Variants in POLR2F observed in about 807,000 individuals in gnomAD.
POLR2F encodes RNA polymerase II, I and III subunit F.
A neutral mutation model predicts 22.7 loss-of-function variants in POLR2F; 12 were observed. The observed-to-expected ratio is 0.53, with a 90% confidence interval of 0.34 to 0.86. The LOEUF is 0.86. Ranked by LOEUF, POLR2F falls within the 40% of genes least tolerant of loss-of-function variation. The pLI is 0.02. For missense variants in POLR2F, 126 were observed against 171.5 expected (o/e 0.73, Z 1.48); for synonymous variants, 57 against 66.0 (o/e 0.86, Z 0.66).
At position 37,986,960 on chromosome 22, in the gene POLR2F, AGT is replaced by A. The variant is rs1248896136; in HGVS notation, c.120+651_120+652del. 2.2e-6 allele frequency: 1 copy of A among 452,932 alleles called. No homozygotes were observed. The highest frequency in any genetic ancestry group is 2.4e-5 in the Admixed American group (1 of 42,464). 28.1% of individuals were successfully genotyped at this position (452,932 alleles called of 1,614,324 possible). ...GCCCCAGCAGGACAACAGGAGGGCC[AGT>A]GTCACCTTCTCCTCCTTTCCCTGCT... On this transcript the variant is annotated intron_variant, in intron 1 of 2. Transcript: ENST00000333418. The surrounding 1 kb of genome is among the most constrained non-coding windows in gnomAD (Gnocchi z 4.7).
At chr22:37,990,791 C>G (rs939397325) in intron 1 of POLR2F, among the ~76,000 whole-genome samples, 3 of 152,266 alleles carry the variant, frequency 2.0e-5, no homozygotes, top group Non-Finnish European at 4.4e-5. Flanking sequence ...AATGTAAAAT[C>G]AGCAGGCTAG....
At chr22:38,038,379 C>T (rs986651310) in intron 5 of POLR2F, among the ~76,000 whole-genome samples, 26 of 152,094 alleles carry the variant, frequency 1.7e-4, no homozygotes, top group Admixed American at 3.9e-4. Context: ...AGGACCAGGC[C>T]GGGCCCAGGC....
In POLR2F at chr22:37,997,246, C is replaced by A. The variant is rs2084723664; in HGVS notation, c.120+10934C>A. ...CCCCTGACCTTTCTCCCTTCTTTTCCACTTCGGCCTCCACCTTGTTTCTTT... is the reference window on the plus strand; with the variant it reads ...CCCCTGACCTTTCTCCCTTCTTTTCAACTTCGGCCTCCACCTTGTTTCTTT... On this transcript the variant is annotated intron_variant, in intron 1 of 2. Coordinates refer to the POLR2F transcript ENST00000333418. This position sits in a 1 kb window ranked among gnomAD's most constrained non-coding sequence, Gnocchi z 4.4. Among the ~76,000 whole-genome samples, 1 of 152,158 alleles carries A rather than the reference C, an allele frequency of 6.6e-6. No homozygotes were observed. The highest frequency in any genetic ancestry group is 1.5e-5 in the Non-Finnish European group (1 of 68,022).
In POLR2F at chr22:37,974,572, T is replaced by C. The variant is rs1172979558; in HGVS notation, c.293+7402T>C. 6.6e-6 allele frequency among the ~76,000 whole-genome samples: 1 copy of C among 152,008 alleles called. No individual in the cohort carries two copies. Among genetic ancestry groups the C allele is most frequent in the Non-Finnish European group, 1.5e-5 (1 of 67,988 alleles). Reference sequence around the variant, plus strand: ...TTCACCATGTTGGCCAGGGTTGTCTTGAACTCCTGACCTCAGGTGATCCAC... The same window carrying C: ...TTCACCATGTTGGCCAGGGTTGTCTCGAACTCCTGACCTCAGGTGATCCAC... On this transcript the variant is annotated intron_variant, in intron 4 of 4. Coordinates refer to the POLR2F transcript ENST00000405557. This position sits in a 1 kb window ranked among gnomAD's most constrained non-coding sequence, Gnocchi z 5.4.
At chr22:38,028,568 G>A (rs375827908), downstream of POLR2F, among the ~76,000 whole-genome samples, 4 of 152,240 alleles carry the variant, frequency 2.6e-5, no homozygotes, top group African/African-American at 4.8e-5. Context: ...GTGTGCATAC[G>A]TGTGTGCATG....
intron 3 of POLR2F, 25 bp from the exon 4 acceptor site, chr22:37,967,074 C>G (rs1181336173): frequency 1.3e-6 from 2 of 1,589,056 alleles, no homozygotes; most frequent in Non-Finnish European, 1.7e-6. Flanking sequence ...TGTAGTCTCC[C>G]TAACACCTGT....
chr22:37,987,261 T>C (rs144177278), intron 1 of POLR2F: 2 of 456,726 alleles, frequency 4.4e-6, no homozygotes, highest in Non-Finnish European at 8.8e-6. Context: ...AGGGTTTTCC[T>C]GGGACTCAGC....
intron 5 of POLR2F, among the ~76,000 whole-genome samples, chr22:38,038,847 C>T (rs2085142767): frequency 6.6e-6 from 1 of 151,750 alleles, no homozygotes; most frequent in Non-Finnish European, 1.5e-5. Flanking sequence ...GCGGCGCCCT[C>T]CCTCTCCCAG....
chr22:37,982,546 C>G (rs1932432588), upstream of POLR2F, among the ~76,000 whole-genome samples: 1 of 152,168 alleles, frequency 6.6e-6, no homozygotes, highest in Admixed American at 6.5e-5. Context: ...CTGAGGGCCC[C>G]TGGGCAGGAA....
In POLR2F at chr22:37,968,654, CA is replaced by C. The variant is rs767433207; in HGVS notation, c.*940del. ...CTGGCTCCTCCCTCCTAGAGGGGGT[CA>C]GGGGGAGGGTGTATATTGACATGAA... On this transcript the variant is annotated 3_prime_UTR_variant, in exon 5 of 5. Transcript: ENST00000442738. The C allele has an allele frequency of 6.5e-5, 64 of 985,204 alleles. No individual in the cohort carries two copies. Among genetic ancestry groups the C allele is most frequent in the South Asian group, 9.4e-5 (2 of 21,288 alleles). 61.0% of individuals were successfully genotyped at this position (985,204 alleles called of 1,614,324 possible).
upstream of POLR2F, chr22:37,983,665 C>G: frequency 6.3e-7 from 1 of 1,582,700 alleles, no homozygotes; most frequent in Non-Finnish European, 8.5e-7. The surrounding 1 kb of genome is among the most constrained non-coding windows in gnomAD (Gnocchi z 9.5). Flanking sequence ...CTCGCAGGCC[C>G]GATCCGCCGC....
In POLR2F at chr22:37,980,048, C is replaced by G. The variant is rs1932348372; in HGVS notation, c.293+12878C>G. ...TGCGGCTTAGCCTCCCTGTCTACTC[C>G]CCCCACCCCGGCCCTGAGCCCAGCC... On this transcript the variant is annotated intron_variant, in intron 4 of 4. Coordinates refer to the POLR2F transcript ENST00000405557. The surrounding 1 kb of genome is among the most constrained non-coding windows in gnomAD (Gnocchi z 4.1). 6.6e-6 allele frequency among the ~76,000 whole-genome samples: 1 copy of G among 152,158 alleles called. No homozygotes were observed. The highest frequency in any genetic ancestry group is 1.5e-5 in the Non-Finnish European group (1 of 68,024).
chr22:38,026,714 A>G (rs2145826400), downstream of POLR2F: 1 of 196,366 alleles, frequency 5.1e-6, no homozygotes, highest in African/African-American at 2.3e-5. Flanking sequence ...AAAGGCGGAG[A>G]ACAAAGAGGT....
At chr22:37,963,996 G>T (rs933174472) in intron 3 of POLR2F, among the ~76,000 whole-genome samples, 5 of 152,058 alleles carry the variant, frequency 3.3e-5, no homozygotes, top group Non-Finnish European at 7.4e-5. Context: ...CAGCTACTCG[G>T]GAGGCTGAGG....
chr22:38,018,889 G>A (rs1041269365), intron 1 of POLR2F, among the ~76,000 whole-genome samples: 13 of 152,216 alleles, frequency 8.5e-5, no homozygotes, highest in Admixed American at 3.9e-4. Flanking sequence ...TCAGGGAAGA[G>A]ATTGGCCTCT....
chr22:37,962,318 T>C (rs2145740796), intron 3 of POLR2F, among the ~76,000 whole-genome samples: 1 of 152,240 alleles, frequency 6.6e-6, no homozygotes, highest in African/African-American at 2.4e-5. Flanking sequence ...GCAAATGCTG[T>C]CTGTACATTC....
In POLR2F at chr22:37,986,217, C is replaced by T. The variant is rs768536817; in HGVS notation, c.27C>T (p.Asp9=). 7.5e-5 allele frequency: 115 copies of T among 1,542,030 alleles called. No individual in the cohort carries two copies. The African/African-American group carries it at 1.2e-3, about 16-fold the overall frequency. ...CCTGGATGGACAGAGGGACGAGGGA[C>T]GAGCATCTGCCGTCGTGTCCCGGCT... The change falls in exon 1 of 3, where the codon GAC becomes GAT. Residue 9 remains aspartate (D), a synonymous_variant. Coordinates refer to the POLR2F transcript ENST00000333418. The surrounding 1 kb of genome is among the most constrained non-coding windows in gnomAD (Gnocchi z 4.7).
chr22:38,030,975 G>T (rs2085059261), downstream of POLR2F, among the ~76,000 whole-genome samples: 1 of 152,100 alleles, frequency 6.6e-6, no homozygotes, highest in Admixed American at 6.5e-5. Context: ...CAGGACGAGG[G>T]CTGGAAGAGC....
At chr22:37,955,594 T>C (rs927820723) in intron 1 of POLR2F, among the ~76,000 whole-genome samples, 1 of 151,156 alleles carries the variant, frequency 6.6e-6, no homozygotes, top group African/African-American at 2.4e-5. Flanking sequence ...ACAGTGATGA[T>C]GAATGAGTAC....
Sources: gnomAD v4.1 joint callset for allele counts (sites outside exome capture counted in the v4.1 genomes callset) on GRCh38, gnomAD v4.1.1 for gene constraint, Gnocchi (gnomAD v3.1) non-coding constraint, MANE v1.5 for transcripts, NCBI Gene and HGNC (gene_info 2026-07-23, HGNC 2026-07-21) for gene names.